Variants in MTUS1 observed in about 807,000 individuals in gnomAD.
MTUS1 encodes the protein microtubule associated scaffold protein 1, also known as microtubule-associated tumor suppressor 1.
Under a neutral mutation model 120.8 loss-of-function variants are expected in MTUS1, and 109 were observed. The ratio of observed to expected loss-of-function variants is 0.90; its 90% confidence interval spans 0.77 to 1.06. The LOEUF is 1.06. Among genes scored for constraint, MTUS1 ranks in the 50% least tolerant of loss-of-function variants. The pLI, the probability that MTUS1 is intolerant of heterozygous loss-of-function variation, is 0.00. For missense variants in MTUS1, 2,210 were observed against 1,486.3 expected (o/e 1.49, Z -8.01); for synonymous variants, 737 against 550.5 (o/e 1.34, Z -4.74).
rs374837550 is a variant in MTUS1, at chr8:17,684,552, G to C, written c.2624-10C>G. The C allele has an allele frequency of 6.2e-7, 1 of 1,606,240 alleles. No individual in the cohort carries two copies. The highest frequency in any genetic ancestry group is 8.5e-7 in the Non-Finnish European group (1 of 1,174,430). On this transcript the variant is annotated splice_polypyrimidine_tract_variant and intron_variant, in intron 6 of 14. Coordinates refer to ENST00000693296, the MANE Select transcript of MTUS1 (RefSeq NM_001363059.2). ...TGCCTGCTCTTTTCAACTGCAAAAC[G>C]AATTAACATAGGTACAAAGATAGGT...
chr8:17,653,478 T>A lies in MTUS1; in HGVS notation c.3235A>T (p.Ile1079Leu), dbSNP rs769248390. The change falls in exon 11 of 15, where the codon ATA (isoleucine) becomes TTA (leucine). Residue 1079 changes from isoleucine to leucine, a missense_variant. Physicochemically the swap from Ile to Leu is conservative, Grantham distance 5. Coordinates refer to ENST00000693296, the MANE Select transcript of MTUS1 (RefSeq NM_001363059.2). ...AAATCTTCAAGCGATTTCTTTTCTA[T>A]TTCATGGCCTTTCTTAATTTCTGGG... Reference protein sequence around the residue: ...SLSEIKKGHEIEKKSLEDLLS... With the variant: ...SLSEIKKGHELEKKSLEDLLS... The A allele has an allele frequency of 1.9e-6, 3 of 1,611,546 alleles. No individual in the cohort carries two copies. In the Admixed American group the frequency reaches 5.0e-5, roughly 27 times the overall value.
intron 8 of MTUS1, among the ~76,000 whole-genome samples, chr8:17,664,434 T>G (rs1235115975): frequency 2.0e-5 from 3 of 151,888 alleles, no homozygotes; most frequent in Non-Finnish European, 4.4e-5. Flanking sequence ...GCCAGCCTGC[T>G]GTGGGTGGCG....
intron 6 of MTUS1, among the ~76,000 whole-genome samples, chr8:17,703,201 T>C (rs560969555): frequency 3.5e-4 from 54 of 152,280 alleles, no homozygotes; most frequent in African/African-American, 1.3e-3. Flanking sequence ...AGAGAGCCTA[T>C]AAATGGACGT....
chr8:17,656,663 C>G lies in MTUS1; in HGVS notation c.2906-598G>C, dbSNP rs966190403. The stretch of plus-strand genomic sequence containing the variant: ...TGTGGTGACCAGTCAATGCAGTGGT[C>G]AAGAAAAGAGCCTTGGCCAGGCAGA... On this transcript the variant is annotated intron_variant, in intron 8 of 14. Transcript: ENST00000693296. Among the ~76,000 whole-genome samples, 8 of 150,298 alleles carry G rather than the reference C, an allele frequency of 5.3e-5. No individual in the cohort carries two copies. The East Asian group carries it at 1.6e-3, about 31-fold the overall frequency.
chr8:17,753,482 C>T (rs999645521), intron 2 of MTUS1, among the ~76,000 whole-genome samples: 6 of 152,054 alleles, frequency 3.9e-5, no homozygotes, highest in East Asian at 1.9e-4. Context: ...TTAAAAGGAA[C>T]GGTGATACTT....
intron 1 of MTUS1, chr8:17,780,897 G>A (rs1349178200): frequency 6.6e-6 from 1 of 152,152 alleles, no homozygotes; most frequent in Non-Finnish European, 1.5e-5. Flanking sequence ...AAGGTGACGT[G>A]AGGCATCATC....
At chr8:17,775,136 C>A (rs1401213032) in intron 1 of MTUS1, among the ~76,000 whole-genome samples, 7 of 147,808 alleles carry the variant, frequency 4.7e-5, no homozygotes, top group Admixed American at 2.6e-4. Context: ...GGTACAGTTT[C>A]TGTGTGGGAT....
chr8:17,713,328 G>A (rs2131018699), intron 5 of MTUS1, 76 bp from the exon 6 acceptor site: 3 of 908,704 alleles, frequency 3.3e-6, no homozygotes, highest in Non-Finnish European at 5.2e-6. Flanking sequence ...ATGTTGATAA[G>A]AATTATTTTC....
intron 1 of MTUS1, among the ~76,000 whole-genome samples, chr8:17,770,990 GA>G (rs1232840724): frequency 6.6e-6 from 1 of 151,856 alleles, no homozygotes; most frequent in East Asian, 1.9e-4. Context: ...TAATGAAAAA[GA>G]AAAAAAGTTT....
intron 8 of MTUS1, among the ~76,000 whole-genome samples, chr8:17,665,783 G>A (rs1350298934): frequency 1.3e-5 from 2 of 152,224 alleles, no homozygotes; most frequent in East Asian, 3.8e-4. Flanking sequence ...ATGCCTCAGG[G>A]TAGTAGGGCT....
intron 1 of MTUS1, among the ~76,000 whole-genome samples, chr8:17,772,248 C>T (rs1462054339): frequency 6.6e-6 from 1 of 152,184 alleles, no homozygotes; most frequent in African/African-American, 2.4e-5. Flanking sequence ...CCTATAGAAA[C>T]TAGACACACA....
chr8:17,714,061 C>T lies in MTUS1; in HGVS notation c.2585-809G>A, dbSNP rs181659671. On this transcript the variant is annotated intron_variant, in intron 5 of 14. Coordinates refer to ENST00000693296, the MANE Select transcript of MTUS1 (RefSeq NM_001363059.2). Reference sequence around the variant, plus strand: ...TAGTATCAAAGTTCAACAGCGTTAACTTCATTATTGCTGTGTGGATCATGG... The same window carrying T: ...TAGTATCAAAGTTCAACAGCGTTAATTTCATTATTGCTGTGTGGATCATGG... Among the ~76,000 whole-genome samples the T allele has an allele frequency of 2.7e-4, 41 of 152,264 alleles. 1 individual carries two copies. Among genetic ancestry groups the T allele is most frequent in the South Asian group, 1.2e-3 (6 of 4,816 alleles).
intron 1 of MTUS1, among the ~76,000 whole-genome samples, chr8:17,772,965 C>T (rs143157876): frequency 1.2e-4 from 19 of 152,294 alleles, no homozygotes; most frequent in African/African-American, 4.3e-4. Context: ...CCCAAAGATA[C>T]GTTCAGAAGA....
chr8:17,798,993 T>C (rs2052471183), intron 1 of MTUS1, among the ~76,000 whole-genome samples: 1 of 148,162 alleles, frequency 6.7e-6, no homozygotes. Flanking sequence ...GAGAAAGCAC[T>C]GTTCACCTAT....
intron 8 of MTUS1, among the ~76,000 whole-genome samples, chr8:17,669,703 G>A (rs1811620682): frequency 6.6e-6 from 1 of 152,178 alleles, no homozygotes; most frequent in Non-Finnish European, 1.5e-5. Context: ...AAATTAGCCG[G>A]CCGTGGTGGT....
At chr8:17,685,578 C>T (rs1176951492) in intron 6 of MTUS1, among the ~76,000 whole-genome samples, 3 of 152,050 alleles carry the variant, frequency 2.0e-5, no homozygotes, top group African/African-American at 7.2e-5. Flanking sequence ...TTAGTAATTA[C>T]TGTCTCTAAT....
At chr8:17,727,821 C>T (rs1487583056) in intron 3 of MTUS1, among the ~76,000 whole-genome samples, 1 of 152,188 alleles carries the variant, frequency 6.6e-6, no homozygotes, top group Admixed American at 6.5e-5. Flanking sequence ...GTATAGACAA[C>T]AGATTGGTTT....
chr8:17,685,082 A>G (rs1054264248), intron 6 of MTUS1, among the ~76,000 whole-genome samples: 2 of 152,182 alleles, frequency 1.3e-5, no homozygotes, highest in Non-Finnish European at 2.9e-5. Context: ...CATAACATAC[A>G]TCGAAAATAT....
chr8:17,662,958 T>C (rs1055707877), intron 8 of MTUS1, among the ~76,000 whole-genome samples: 2 of 152,042 alleles, frequency 1.3e-5, no homozygotes, highest in Non-Finnish European at 2.9e-5. Flanking sequence ...TAAGGCCACA[T>C]TGAGATTAGA....
Sources: allele counts gnomAD v4.1 joint callset (sites outside exome capture counted in the v4.1 genomes callset), GRCh38; gene constraint gnomAD v4.1.1; transcripts MANE v1.5; gene names NCBI Gene and HGNC (gene_info 2026-07-23, HGNC 2026-07-21).